PTPRG: variants seen among roughly 807,000 people sequenced by gnomAD.
PTPRG encodes protein tyrosine phosphatase receptor type G.
A neutral mutation model predicts 165.3 loss-of-function variants in PTPRG; 102 were observed. The ratio of observed to expected loss-of-function variants is 0.62; its 90% confidence interval spans 0.53 to 0.73. The LOEUF is 0.73. PTPRG is among the 30% of genes least tolerant of loss of function. The probability of loss-of-function intolerance (pLI) is 0.00; values close to 1 mark genes in which losing one functional copy is unlikely to be tolerated. For synonymous variants in PTPRG, 675 were observed against 669.5 expected, an observed-to-expected ratio of 1.01 and a Z score of -0.13; for missense variants, 1,866 against 1,861.4, an observed-to-expected ratio of 1.00 and a Z score of -0.05.
intron 2 of PTPRG, among the ~76,000 whole-genome samples, chr3:61,952,552 G>A (rs116175675): frequency 0.036 from 5,548 of 152,094 alleles, 141 homozygotes; most frequent in Middle Eastern, 0.068. Flanking sequence ...GATATTTCTG[G>A]CTGAAATCTC....
At chr3:62,166,244 A>G (rs976999008) in intron 7 of PTPRG, among the ~76,000 whole-genome samples, 4 of 110,318 alleles carry the variant, frequency 3.6e-5, no homozygotes, top group Non-Finnish European at 5.1e-5. Context: ...GGTGACAAGA[A>G]TAACTTTGTG....
intron 1 of PTPRG, among the ~76,000 whole-genome samples, chr3:61,647,322 A>G (rs1251664053): frequency 1.3e-5 from 2 of 152,194 alleles, no homozygotes; most frequent in African/African-American, 4.8e-5. Flanking sequence ...GTTTTCTTAC[A>G]TGCCAGATAT....
At chr3:61,708,443 CTTTTTTTTTTT>C (rs61136954) in intron 1 of PTPRG, among the ~76,000 whole-genome samples, 28 of 75,914 alleles carry the variant, frequency 3.7e-4, no homozygotes, top group African/African-American at 1.2e-3. Context: ...CTCTGCAAAT[CTTTTTTTTTTT>C]TTTTTTTTTT....
At chr3:62,076,934 A>G (rs1016190518) in intron 4 of PTPRG, among the ~76,000 whole-genome samples, 2 of 152,150 alleles carry the variant, frequency 1.3e-5, no homozygotes, top group African/African-American at 4.8e-5. Context: ...AAGTTGTATA[A>G]TGATTCTGAG....
chr3:61,981,910 C>T (rs1258693223), intron 2 of PTPRG, among the ~76,000 whole-genome samples: 2 of 152,134 alleles, frequency 1.3e-5, no homozygotes, highest in Non-Finnish European at 2.9e-5. Context: ...AGGTATTGCT[C>T]ATTAATCTTG....
At position 62,271,323 on chromosome 3, in the gene PTPRG, AT is replaced by A. The variant is rs1411456432; in HGVS notation, c.3010-53del. ...TCATGTGTCCTGACACCCTTACATT[AT>A]TTTTTTCCAGAATGTCCACCCCCCC... On this transcript the variant is annotated intron_variant, in intron 20 of 29. Coordinates refer to ENST00000474889, the MANE Select transcript of PTPRG (RefSeq NM_002841.4). This position sits in a 1 kb window ranked among gnomAD's most constrained non-coding sequence, Gnocchi z 4.1. 21 of 1,419,206 alleles carry A rather than the reference AT, an allele frequency of 1.5e-5. No individual in the cohort carries two copies. Among genetic ancestry groups the A allele is most frequent in the Non-Finnish European group, 1.8e-5 (19 of 1,033,486 alleles). The allele number at this position is 1,419,206 out of a possible 1,614,324, so 87.9% of individuals were successfully genotyped here.
chr3:61,615,221 C>T (rs1416563968), intron 1 of PTPRG, among the ~76,000 whole-genome samples: 2 of 152,162 alleles, frequency 1.3e-5, no homozygotes, highest in Non-Finnish European at 2.9e-5. Flanking sequence ...TTCAAATATG[C>T]CCTAATTGTC....
chr3:61,712,579 C>T (rs971791179), intron 1 of PTPRG, among the ~76,000 whole-genome samples: 3 of 152,104 alleles, frequency 2.0e-5, no homozygotes, highest in Non-Finnish European at 2.9e-5. Flanking sequence ...GGCAGCTTCC[C>T]CTGTGCTCTC....
In PTPRG at chr3:62,287,125, T is replaced by C. The variant is rs1001010401; in HGVS notation, c.4055+4256T>C. On this transcript the variant is annotated intron_variant, in intron 28 of 29. Transcript: ENST00000474889. Reference sequence around the variant, plus strand: ...CATGCATACTCCGTAAAAACATACATGTTACCTGACTTTTCTATATGGCTG... The same window carrying C: ...CATGCATACTCCGTAAAAACATACACGTTACCTGACTTTTCTATATGGCTG... Among the ~76,000 whole-genome samples, 16 of 152,130 alleles carry C rather than the reference T, an allele frequency of 1.1e-4. No homozygotes were observed. The South Asian group carries it at 1.2e-3, about 12-fold the overall frequency.
At chr3:62,266,144 T>G (rs550752302) in intron 17 of PTPRG, among the ~76,000 whole-genome samples, 232 of 152,312 alleles carry the variant, frequency 1.5e-3, no homozygotes, top group African/African-American at 5.1e-3. Context: ...CAATTTCAAA[T>G]TAGATGTAAT....
At chr3:61,791,325 T>C (rs1169035271) in intron 2 of PTPRG, among the ~76,000 whole-genome samples, 1 of 152,206 alleles carries the variant, frequency 6.6e-6, no homozygotes, top group Non-Finnish European at 1.5e-5. Context: ...GGGAAATAAG[T>C]TTCTGTTGCA....
intron 1 of PTPRG, among the ~76,000 whole-genome samples, chr3:61,715,563 C>A (rs538747160): frequency 6.6e-6 from 1 of 152,238 alleles, no homozygotes; most frequent in Admixed American, 6.5e-5. Flanking sequence ...GATCGTATGT[C>A]TTGCCCCCTC....
At chr3:61,599,558 T>C (rs1190573944) in intron 1 of PTPRG, among the ~76,000 whole-genome samples, 1 of 152,160 alleles carries the variant, frequency 6.6e-6, no homozygotes, top group Admixed American at 6.5e-5. Flanking sequence ...AGAGGTATGA[T>C]CTCGGTTCAC....
In PTPRG at chr3:62,195,287, A is replaced by T. The variant is rs1699932105; in HGVS notation, c.1327+117A>T. ...TACAAACAAGCCTGGCAGAAGAATC[A>T]GTGTAGGGTTTTAAAGCCTATGCGG... On this transcript the variant is annotated intron_variant, in intron 10 of 29. Coordinates refer to ENST00000474889, the MANE Select transcript of PTPRG (RefSeq NM_002841.4). The surrounding 1 kb of genome is among the most constrained non-coding windows in gnomAD (Gnocchi z 4.4). The T allele has an allele frequency of 1.1e-6, 1 of 939,214 alleles. No individual in the cohort carries two copies. Among genetic ancestry groups the T allele is most frequent in the Non-Finnish European group, 1.7e-6 (1 of 604,442 alleles). The allele number at this position is 939,214 out of a possible 1,614,324, so 58.2% of individuals were successfully genotyped here.
chr3:61,899,297 C>T (rs958818176), intron 2 of PTPRG, among the ~76,000 whole-genome samples: 1 of 152,026 alleles, frequency 6.6e-6, no homozygotes, highest in Non-Finnish European at 1.5e-5. Context: ...GTGAATAATT[C>T]TGACAGGGAA....
chr3:62,030,338 A>T (rs1699725607), intron 4 of PTPRG, among the ~76,000 whole-genome samples: 1 of 152,170 alleles, frequency 6.6e-6, no homozygotes, highest in South Asian at 2.1e-4. Flanking sequence ...CACCTGCCAG[A>T]TTCCTCATGA....
Position 62,231,834 on chromosome 3 carries a change from T to A in PTPRG, c.2375+523T>A, listed in dbSNP as rs866678385. On this transcript the variant is annotated intron_variant, in intron 14 of 29. Transcript: ENST00000474889. ...GAATGGTGAAGTTGTTTTTTTTTTT[T>A]AAAAAAAGGAAATGCATATGAGTTC... Among the ~76,000 whole-genome samples the A allele has an allele frequency of 2.1e-3, 313 of 151,074 alleles. 1 individual carries two copies. Among genetic ancestry groups the A allele is most frequent in the South Asian group, 4.4e-3 (21 of 4,784 alleles).
chr3:62,147,264 C>T (rs1374039488), intron 6 of PTPRG, among the ~76,000 whole-genome samples: 1 of 152,148 alleles, frequency 6.6e-6, no homozygotes, highest in African/African-American at 2.4e-5. Context: ...TCTTGGGGTG[C>T]AGGTCAGTGA....
intron 2 of PTPRG, among the ~76,000 whole-genome samples, chr3:61,861,906 A>G (rs2037281690): frequency 6.6e-6 from 1 of 152,166 alleles, no homozygotes. Context: ...GTGAAATTAG[A>G]TTGAAAGAAC....
Sources: gnomAD v4.1 joint callset for allele counts (sites outside exome capture counted in the v4.1 genomes callset) on GRCh38, gnomAD v4.1.1 for gene constraint, Gnocchi (gnomAD v3.1) non-coding constraint, MANE v1.5 for transcripts, NCBI Gene and HGNC (gene_info 2026-07-23, HGNC 2026-07-21) for gene names.